The following GAD1 variants were observed in gnomAD, a reference collection of about 807,000 sequenced individuals.
GAD1 encodes glutamate decarboxylase 1, also known as 67 kDa glutamic acid decarboxylase.
A neutral mutation model predicts 75.2 loss-of-function variants in GAD1; 35 were observed. That is an observed-to-expected ratio of 0.47 (90% CI 0.36 to 0.62). The LOEUF is 0.62. GAD1 is among the 20% of genes least tolerant of loss of function. GAD1 has a pLI of 0.00. For synonymous variants in GAD1, 257 were observed against 271.9 expected, an observed-to-expected ratio of 0.95 and a Z score of 0.54; for missense variants, 490 against 758.5, an observed-to-expected ratio of 0.65 and a Z score of 4.16.
chr2:170,849,689 C>T (rs1702709457), intron 12 of GAD1, among the ~76,000 whole-genome samples: 1 of 152,196 alleles, frequency 6.6e-6, no homozygotes, highest in East Asian at 1.9e-4. Context: ...TCTCTAATAG[C>T]TATCAATCAA....
intron 7 of GAD1, among the ~76,000 whole-genome samples, chr2:170,844,400 CTTTTTTCTTTTT>C (rs1436158651): frequency 5.7e-5 from 8 of 141,294 alleles, no homozygotes; most frequent in Admixed American, 5.0e-4. Flanking sequence ...CCCATTTTTT[CTTTTTTCTTTTT>C]TTTTTTTTTT....
At chr2:170,842,531 C>A in intron 6 of GAD1, 1 of 1,599,068 alleles carries the variant, frequency 6.3e-7, no homozygotes, top group Non-Finnish European at 8.6e-7. Flanking sequence ...GCAGCACAGG[C>A]TAAACCAGGA....
chr2:170,839,834 CAT>C (rs1702466875), intron 6 of GAD1, among the ~76,000 whole-genome samples: 1 of 152,196 alleles, frequency 6.6e-6, no homozygotes, highest in African/African-American at 2.4e-5. Context: ...TGCCCTCAAA[CAT>C]CTAATGGCAA....
Position 170,847,899 on chromosome 2 carries a change from C to T in GAD1, c.1119+107C>T, listed in dbSNP as rs774526392. ...CGCCCCAGCCAGCCCTCTCTCCACA[C>T]CACATTAGTTCCAGTTCTTGTCTGG... On this transcript the variant is annotated intron_variant, in intron 11 of 16. Coordinates refer to ENST00000358196, the MANE Select transcript of GAD1 (RefSeq NM_000817.3). 7.5e-5 allele frequency: 59 copies of T among 789,428 alleles called. 1 individual carries two copies. Among genetic ancestry groups the T allele is most frequent in the Middle Eastern group, 5.1e-4 (2 of 3,912 alleles). 48.9% of individuals were successfully genotyped at this position (789,428 alleles called of 1,614,324 possible).
At chr2:170,854,395 T>A (rs1702806944) in intron 14 of GAD1, among the ~76,000 whole-genome samples, 2 of 148,322 alleles carry the variant, frequency 1.3e-5, no homozygotes, top group Non-Finnish European at 3.0e-5. Context: ...GAACCTTGAA[T>A]TCTTTTTTTT....
chr2:170,859,647 T>C lies in GAD1; in HGVS notation c.1612-62T>C, dbSNP rs186144501. 4,697 of 1,530,334 alleles carry C rather than the reference T, an allele frequency of 3.1e-3. 6 individuals carry two copies. Among genetic ancestry groups the C allele is most frequent in the Non-Finnish European group, 3.8e-3 (4,191 of 1,107,446 alleles). The allele number at this position is 1,530,334 out of a possible 1,614,324, so 94.8% of individuals were successfully genotyped here. On this transcript the variant is annotated intron_variant, in intron 16 of 16. Transcript: ENST00000358196. Reference sequence around the variant, plus strand: ...ATAGTAAAATGCAAGTTGGGTTGAATTGTTAAAAAGAGAGGGTGTTCATAT... The same window carrying C: ...ATAGTAAAATGCAAGTTGGGTTGAACTGTTAAAAAGAGAGGGTGTTCATAT...
At chr2:170,828,266 ACCCC>A (rs1702085809) in intron 3 of GAD1, among the ~76,000 whole-genome samples, 1 of 32,282 alleles carries the variant, frequency 3.1e-5, no homozygotes, top group Admixed American at 4.2e-4. Flanking sequence ...TGCTGTCCTC[ACCCC>A]TCCCCTTCCC....
chr2:170,852,626 CTT>C, intron 12 of GAD1, 86 bp from the exon 13 acceptor site: 1 of 1,084,728 alleles, frequency 9.2e-7, no homozygotes, highest in South Asian at 1.3e-5. Context: ...TATTTACTAA[CTT>C]GAGTTGGAAT....
At chr2:170,850,078 G>C (rs1363317645) in intron 12 of GAD1, among the ~76,000 whole-genome samples, 2 of 152,224 alleles carry the variant, frequency 1.3e-5, no homozygotes, top group Non-Finnish European at 2.9e-5. Flanking sequence ...AGCCAGGTAG[G>C]AGTTGATGTG....
chr2:170,846,841 T>C (rs1356686652), intron 10 of GAD1, among the ~76,000 whole-genome samples: 1 of 152,092 alleles, frequency 6.6e-6, no homozygotes, highest in Non-Finnish European at 1.5e-5. Flanking sequence ...CCCACATCTC[T>C]GTAAAAAATT....
intron 12 of GAD1, among the ~76,000 whole-genome samples, chr2:170,851,833 G>C (rs1056149374): frequency 6.6e-6 from 1 of 152,174 alleles, no homozygotes; most frequent in Non-Finnish European, 1.5e-5. Flanking sequence ...GTTGCTAGGA[G>C]ACCATGCTTG....
chr2:170,841,137 TTA>T (rs1702507782), intron 6 of GAD1, among the ~76,000 whole-genome samples: 1 of 152,204 alleles, frequency 6.6e-6, no homozygotes, highest in African/African-American at 2.4e-5. Flanking sequence ...TCTGGCAGGT[TTA>T]GTTTCTGGTT....
At chr2:170,814,700 T>C (rs922281311), upstream of GAD1, among the ~76,000 whole-genome samples, 9 of 152,150 alleles carry the variant, frequency 5.9e-5, no homozygotes, top group African/African-American at 2.2e-4. Context: ...CGGACAAAAG[T>C]CTTCATTCCT....
chr2:170,819,774 T>C (rs1701815070), intron 2 of GAD1, among the ~76,000 whole-genome samples: 2 of 152,272 alleles, frequency 1.3e-5, no homozygotes, highest in African/African-American at 4.8e-5. Flanking sequence ...GATAGTGTGG[T>C]TACAGGGAGT....
chr2:170,819,291 G>GAAATAAATAAATAAAT lies in GAD1; in HGVS notation c.82+628_82+643dup, dbSNP rs3838553. On this transcript the variant is annotated intron_variant, in intron 2 of 16. Coordinates refer to ENST00000358196, the MANE Select transcript of GAD1 (RefSeq NM_000817.3). ...TTCATACAATTAATTACATCTCAGA[G>GAAATAAATAAATAAAT]AAATAAATAAATAAATAAATAAATA... Among the ~76,000 whole-genome samples, 622 of 149,772 alleles carry GAAATAAATAAATAAAT rather than the reference G, an allele frequency of 4.2e-3. 8 individuals are homozygous for GAAATAAATAAATAAAT. The highest frequency in any genetic ancestry group is 0.014 in the African/African-American group (579 of 40,524).
intron 10 of GAD1, among the ~76,000 whole-genome samples, chr2:170,846,933 G>A (rs1023107496): frequency 8.5e-5 from 13 of 152,206 alleles, no homozygotes; most frequent in African/African-American, 2.9e-4. Flanking sequence ...GAGTTGGAGA[G>A]GTAGAGGCTG....
chr2:170,813,387 C>T (rs1701644330), upstream of GAD1: 1 of 152,174 alleles, frequency 6.6e-6, no homozygotes, highest in South Asian at 2.1e-4. Flanking sequence ...GTAACGCTTC[C>T]CCCAGTTCTC....
chr2:170,843,619 C>CTT (rs56763249), intron 6 of GAD1, among the ~76,000 whole-genome samples: 12 of 134,136 alleles, frequency 8.9e-5, no homozygotes, highest in African/African-American at 1.9e-4. Flanking sequence ...TGGCAGTCAG[C>CTT]TTTTTTTTTT....
At chr2:170,850,404 G>A (rs1039816113) in intron 12 of GAD1, among the ~76,000 whole-genome samples, 1 of 152,204 alleles carries the variant, frequency 6.6e-6, no homozygotes, top group African/African-American at 2.4e-5. Context: ...AGGAAGCAAG[G>A]ATATGAGGAA....
Sources: allele counts gnomAD v4.1 joint callset (sites outside exome capture counted in the v4.1 genomes callset), GRCh38; gene constraint gnomAD v4.1.1; transcripts MANE v1.5; gene names NCBI Gene and HGNC (gene_info 2026-07-23, HGNC 2026-07-21).